MARK3: variants seen among roughly 807,000 people sequenced by gnomAD.
MARK3 encodes the protein microtubule affinity regulating kinase 3.
Under a neutral mutation model 90.1 loss-of-function variants are expected in MARK3, and 46 were observed. The observed-to-expected ratio is 0.51, with a 90% CI of 0.40 to 0.65. The LOEUF (loss-of-function observed/expected upper bound fraction) is 0.65. Ranked by LOEUF, MARK3 falls within the 30% of genes least tolerant of loss-of-function variation. The pLI is 0.00. For missense variants in MARK3, 818 were observed against 947.2 expected (o/e 0.86, Z 1.79); for synonymous variants, 321 against 332.6 (o/e 0.97, Z 0.38).
At chr14:103,463,310 T>C (rs1400511692) in intron 7 of MARK3, among the ~76,000 whole-genome samples, 1 of 152,174 alleles carries the variant, frequency 6.6e-6, no homozygotes, top group African/African-American at 2.4e-5. Context: ...ATTGACTTGC[T>C]TGTTCTCTGC....
Position 103,480,418 on chromosome 14 carries a change from G to A in MARK3, c.1514G>A (p.Arg505Gln), listed in dbSNP as rs769120997. The A allele has an allele frequency of 2.9e-5, 47 of 1,613,156 alleles. No homozygotes were observed. Among genetic ancestry groups the A allele is most frequent in the Non-Finnish European group, 3.8e-5 (45 of 1,179,468 alleles). Reference sequence around the variant, plus strand: ...ACAGCATCTGGTGGAATGACACGACGAAATACTTATGTTTGCAGTGAGAGA... The same window carrying A: ...ACAGCATCTGGTGGAATGACACGACAAAATACTTATGTTTGCAGTGAGAGA... The part of the protein sequence containing the change: ...SNTASGGMTR[R>Q]NTYVCSERTT... Residue 505 changes from arginine (R) to glutamine (Q), a missense_variant, in exon 14 of 18, where the codon CGA becomes CAA. Arg to Gln is a conservative substitution (Grantham distance 43). Around this residue, in one of 3 missense-constraint regions of MARK3, gnomAD observed 560 missense variants for 613.5 expected, o/e 0.91. Coordinates refer to ENST00000429436, the MANE Select transcript of MARK3 (RefSeq NM_001128918.3).
At chr14:103,459,441 C>T (rs2093348923) in intron 6 of MARK3, among the ~76,000 whole-genome samples, 1 of 152,092 alleles carries the variant, frequency 6.6e-6, no homozygotes, top group South Asian at 2.1e-4. Flanking sequence ...CTCCATTAGA[C>T]TTGGAAGGAT....
At chr14:103,394,157 A>G (rs1201718540) in intron 1 of MARK3, among the ~76,000 whole-genome samples, 3 of 152,236 alleles carry the variant, frequency 2.0e-5, no homozygotes, top group Non-Finnish European at 4.4e-5. Context: ...AAAAAGAAAA[A>G]GGAGTCAGGG....
At chr14:103,397,326 A>ATTTT (rs34252723) in intron 1 of MARK3, among the ~76,000 whole-genome samples, 3 of 133,098 alleles carry the variant, frequency 2.3e-5, no homozygotes, top group South Asian at 2.4e-4. Flanking sequence ...CTGAATAAAC[A>ATTTT]TTTTTTTTTT....
At chr14:103,434,048 TTTG>T (rs1379664887) in intron 3 of MARK3, among the ~76,000 whole-genome samples, 2 of 152,088 alleles carry the variant, frequency 1.3e-5, no homozygotes, top group Admixed American at 6.6e-5. Flanking sequence ...CTTTTGAGTT[TTTG>T]TTGTTCTAGC....
intron 1 of MARK3, among the ~76,000 whole-genome samples, chr14:103,391,113 A>C (rs536955682): frequency 1.3e-5 from 2 of 152,210 alleles, no homozygotes; most frequent in Non-Finnish European, 2.9e-5. Flanking sequence ...TCTAGTGGAC[A>C]TTTGACAATG....
intron 12 of MARK3, among the ~76,000 whole-genome samples, chr14:103,474,676 C>G (rs1308288535): frequency 6.6e-6 from 1 of 152,164 alleles, no homozygotes; most frequent in African/African-American, 2.4e-5. Context: ...GTTCATTCTG[C>G]TTGTTACGTA....
At chr14:103,479,875 G>A (rs1045498177) in intron 13 of MARK3, among the ~76,000 whole-genome samples, 1 of 151,974 alleles carries the variant, frequency 6.6e-6, no homozygotes, top group African/African-American at 2.4e-5. Flanking sequence ...CCTCACCTCA[G>A]GAGATCCGCC....
intron 2 of MARK3, among the ~76,000 whole-genome samples, chr14:103,413,504 A>G (rs1257572501): frequency 6.6e-6 from 1 of 150,536 alleles, no homozygotes; most frequent in Non-Finnish European, 1.5e-5. Flanking sequence ...GCTCACTGCA[A>G]GCTCCACCTT....
chr14:103,497,909 A>G (rs2075433681), intron 15 of MARK3, among the ~76,000 whole-genome samples: 1 of 152,234 alleles, frequency 6.6e-6, no homozygotes, highest in Non-Finnish European at 1.5e-5. Flanking sequence ...AACATAAGAC[A>G]TAAATTTTAT....
At chr14:103,476,146 A>C (rs2093710510) in intron 13 of MARK3, among the ~76,000 whole-genome samples, 1 of 152,130 alleles carries the variant, frequency 6.6e-6, no homozygotes, top group Non-Finnish European at 1.5e-5. Flanking sequence ...GCCTGGTTCC[A>C]GTTATTTCGG....
chr14:103,409,185 C>A (rs1324831845), intron 2 of MARK3, among the ~76,000 whole-genome samples: 3 of 151,500 alleles, frequency 2.0e-5, no homozygotes, highest in Non-Finnish European at 4.4e-5. Context: ...TAAAAACTTT[C>A]TCAGTTTCTC....
At position 103,475,004 on chromosome 14, in the gene MARK3, A is replaced by C; in HGVS notation, c.1276A>C (p.Ile426Leu). The change falls in exon 13 of 18, where the codon ATT becomes CTT. Residue 426 changes from isoleucine (I) to leucine (L), a missense_variant. By Grantham distance (5) the Ile-to-Leu change is conservative (BLOSUM62 2). Transcript: ENST00000429436. ...RRYSDHAGPA[I>L]PSVVAYPKRS... ...ACTCTTTATTTTAGCTGGACCAGCTATTCCTTCTGTTGTGGCGTATCCGAA... is the reference window on the plus strand; with the variant it reads ...ACTCTTTATTTTAGCTGGACCAGCTCTTCCTTCTGTTGTGGCGTATCCGAA... 1.9e-6 allele frequency: 3 copies of C among 1,612,350 alleles called. No individual in the cohort carries two copies. Among genetic ancestry groups the C allele is most frequent in the Non-Finnish European group, 2.5e-6 (3 of 1,178,382 alleles).
chr14:103,487,075 C>T (rs1036925769), intron 14 of MARK3, among the ~76,000 whole-genome samples: 2 of 151,820 alleles, frequency 1.3e-5, no homozygotes, highest in East Asian at 2.0e-4. Context: ...CGCCACCACA[C>T]CCAACTAATT....
At chr14:103,420,789 C>A (rs757256628) in intron 2 of MARK3, among the ~76,000 whole-genome samples, 1 of 152,072 alleles carries the variant, frequency 6.6e-6, no homozygotes, top group Non-Finnish European at 1.5e-5. Context: ...ATATGCAGAA[C>A]GGTGAAAAAA....
At chr14:103,390,380 T>G (rs2090156476) in intron 1 of MARK3, among the ~76,000 whole-genome samples, 2 of 152,238 alleles carry the variant, frequency 1.3e-5, no homozygotes, top group African/African-American at 4.8e-5. Context: ...AACTATTTAG[T>G]AGCAAAGCCT....
At chr14:103,391,542 C>CT (rs35186837) in intron 1 of MARK3, among the ~76,000 whole-genome samples, 534 of 140,074 alleles carry the variant, frequency 3.8e-3, no homozygotes, top group Non-Finnish European at 4.2e-3. Flanking sequence ...GTCAAATATG[C>CT]TTTTTTTTTT....
chr14:103,396,881 T>C (rs191960505), intron 1 of MARK3, among the ~76,000 whole-genome samples: 1 of 152,284 alleles, frequency 6.6e-6, no homozygotes, highest in East Asian at 1.9e-4. Context: ...CATGTGGGGC[T>C]ACCAAGCACT....
At chr14:103,436,017 A>G (rs1231836261) in intron 3 of MARK3, among the ~76,000 whole-genome samples, 5 of 151,922 alleles carry the variant, frequency 3.3e-5, no homozygotes, top group Admixed American at 6.6e-5. Context: ...CAGCCTCCCA[A>G]GTAGCTGGGA....
Sources: gnomAD v4.1 joint callset for allele counts (sites outside exome capture counted in the v4.1 genomes callset) on GRCh38, gnomAD v4.1.1 for gene constraint, gnomAD v4.1.1 regional missense constraint, MANE v1.5 for transcripts, NCBI Gene and HGNC (gene_info 2026-07-23, HGNC 2026-07-21) for gene names.